The following SPATA22 variants were observed in gnomAD, a reference collection of about 807,000 sequenced individuals.
The protein encoded by SPATA22 is spermatogenesis associated 22.
In SPATA22, 29 loss-of-function variants were observed where a neutral mutation model predicts 47.8. That is an observed-to-expected ratio of 0.61 (90% CI 0.45 to 0.83). The LOEUF (loss-of-function observed/expected upper bound fraction) is 0.83, where lower values mean the gene tolerates loss of function less well. Ranked by LOEUF, SPATA22 falls within the 40% of genes least tolerant of loss-of-function variation. The probability of loss-of-function intolerance (pLI) is 0.00; values close to 1 mark genes in which losing one functional copy is unlikely to be tolerated. For missense variants in SPATA22, 410 were observed against 421.7 expected (o/e 0.97, Z 0.24); for synonymous variants, 133 against 140.9 (o/e 0.94, Z 0.40).
In SPATA22 at chr17:3,465,338, C is replaced by G. The variant is rs550922744; in HGVS notation, c.172+2088G>C. 3.2e-4 allele frequency among the ~76,000 whole-genome samples: 48 copies of G among 151,120 alleles called. No homozygotes were observed. In the South Asian group the frequency reaches 3.4e-3, roughly 11 times the overall value. On this transcript the variant is annotated intron_variant, in intron 3 of 8. Transcript: ENST00000572969. ...AATGGCGGTTTTGTGGAATAGAAAG[C>G]GGGGAAAGGTGGGGAAAAGATTGAG...
intron 1 of SPATA22, among the ~76,000 whole-genome samples, chr17:3,471,088 G>A (rs1006527149): frequency 1.3e-4 from 20 of 151,982 alleles, no homozygotes; most frequent in Admixed American, 3.3e-4. Context: ...CCGGGAGGCG[G>A]AGGTTGCAGT....
intron 1 of SPATA22, among the ~76,000 whole-genome samples, chr17:3,506,988 A>AAGGG (rs1555542245): frequency 1.4e-5 from 2 of 138,148 alleles, no homozygotes; most frequent in Non-Finnish European, 3.1e-5. Flanking sequence ...AGGAAAAGAG[A>AAGGG]AGGAAGGGAG....
At chr17:3,445,351 A>T (rs1333685110) in intron 7 of SPATA22, among the ~76,000 whole-genome samples, 1 of 152,168 alleles carries the variant, frequency 6.6e-6, no homozygotes, top group Non-Finnish European at 1.5e-5. Context: ...ACCAGCTAAG[A>T]GATATGCTTC....
intron 3 of SPATA22, among the ~76,000 whole-genome samples, chr17:3,467,152 CAAAG>C (rs2073333034): frequency 1.3e-5 from 2 of 151,920 alleles, no homozygotes; most frequent in South Asian, 4.2e-4. Context: ...TGAATTTTGA[CAAAG>C]AAAAAATATT....
At chr17:3,454,716 T>C (rs1201295306) in intron 5 of SPATA22, among the ~76,000 whole-genome samples, 1 of 151,980 alleles carries the variant, frequency 6.6e-6, no homozygotes, top group African/African-American at 2.4e-5. Context: ...ACATTTGGGT[T>C]GGTTCCAAGT....
chr17:3,463,148 G>A (rs1335436587), intron 3 of SPATA22, among the ~76,000 whole-genome samples: 1 of 152,204 alleles, frequency 6.6e-6, no homozygotes, highest in African/African-American at 2.4e-5. Context: ...GTGTGAGACA[G>A]AGATAGAGAG....
rs374552841 is a variant in SPATA22 at position 3,505,703 on chromosome 17, G to C, written c.-74+7709C>G. On this transcript the variant is annotated intron_variant, in intron 1 of 8. Transcript: ENST00000541913. Reference sequence around the variant, plus strand: ...CATATTTGCATATCCGACAAAAACAGAGTCTGGAGGGAAATAGCTGCTTAG... The same window carrying C: ...CATATTTGCATATCCGACAAAAACACAGTCTGGAGGGAAATAGCTGCTTAG... Among the ~76,000 whole-genome samples the C allele has an allele frequency of 2.0e-5, 3 of 152,106 alleles. No homozygotes were observed. In the East Asian group the frequency reaches 5.8e-4, roughly 29 times the overall value.
chr17:3,495,282 C>G (rs1290536075), intron 1 of SPATA22, among the ~76,000 whole-genome samples: 3 of 152,154 alleles, frequency 2.0e-5, no homozygotes, highest in African/African-American at 7.2e-5. Context: ...CCCCGACTAA[C>G]CTTTACCTAG....
chr17:3,496,048 G>A (rs191460533), intron 1 of SPATA22, among the ~76,000 whole-genome samples: 25 of 152,308 alleles, frequency 1.6e-4, no homozygotes, highest in Admixed American at 1.3e-3. Flanking sequence ...CCAGGCAGAC[G>A]GAGAAGTGAG....
chr17:3,464,891 G>C (rs1281750073), intron 3 of SPATA22, among the ~76,000 whole-genome samples: 1 of 92,192 alleles, frequency 1.1e-5, no homozygotes, highest in Non-Finnish European at 3.2e-5. Flanking sequence ...AGGGGGGTGG[G>C]GGGGGGTCAG....
chr17:3,471,431 C>G (rs968799103), intron 1 of SPATA22: 1 of 985,288 alleles, frequency 1.0e-6, no homozygotes, highest in Admixed American at 6.1e-5. Context: ...CCTCATTTAC[C>G]CCCAATCCCA....
In SPATA22 at chr17:3,481,642, G is replaced by C. The variant is rs776297759; in HGVS notation, c.-73-12244C>G. On this transcript the variant is annotated intron_variant, in intron 1 of 8. Coordinates refer to the SPATA22 transcript ENST00000541913. ...AAGATTTGCCATATGAAGTGAGAAG[G>C]GCTCAAGAAATAAATCATTTATTTG... 25 of 1,613,584 alleles carry C rather than the reference G, an allele frequency of 1.5e-5. 1 individual carries two copies. Among genetic ancestry groups the C allele is most frequent in the Non-Finnish European group, 2.1e-5 (25 of 1,179,904 alleles).
chr17:3,448,704 C>T (rs2072784238), intron 6 of SPATA22, 103 bp downstream of exon 6: 1 of 802,336 alleles, frequency 1.2e-6, no homozygotes, highest in South Asian at 2.0e-5. Flanking sequence ...TAATGTATGT[C>T]ATGGAATTTA....
rs1237477660 is a variant in SPATA22, at chr17:3,498,921, G to T, written c.-74+14491C>A. 3.1e-6 allele frequency: 5 copies of T among 1,607,368 alleles called. No homozygotes were observed. In the African/African-American group the frequency reaches 4.0e-5, roughly 13 times the overall value. On this transcript the variant is annotated intron_variant, in intron 1 of 8. Coordinates refer to the SPATA22 transcript ENST00000541913. ...AGACTGGAAACCACTGCATCCTGGG[G>T]ATCCCATGTTTTTAACTCTTGATGG...
chr17:3,481,942 G>T, intron 1 of SPATA22: 1 of 743,896 alleles, frequency 1.3e-6, no homozygotes. Flanking sequence ...GGTGGTTGGG[G>T]GGAAAGGGTG....
chr17:3,483,198 C>A (rs560656043), intron 1 of SPATA22, among the ~76,000 whole-genome samples: 1 of 152,072 alleles, frequency 6.6e-6, no homozygotes, highest in Non-Finnish European at 1.5e-5. Flanking sequence ...AAAATCACCA[C>A]ATCCATTAAG....
chr17:3,464,013 G>A (rs112770375), intron 3 of SPATA22, among the ~76,000 whole-genome samples: 16,486 of 128,794 alleles, frequency 0.13, 1,180 homozygotes, highest in Middle Eastern at 0.21. Flanking sequence ...TGTTTCCACG[G>A]TCTCCCTCTC....
At chr17:3,462,981 G>A (rs2073163666) in intron 3 of SPATA22, among the ~76,000 whole-genome samples, 1 of 152,184 alleles carries the variant, frequency 6.6e-6, no homozygotes, top group South Asian at 2.1e-4. Flanking sequence ...TTTAAGCAAA[G>A]ATAATTTAAT....
At chr17:3,465,054 CCGGG>C (rs1213523958) in intron 3 of SPATA22, among the ~76,000 whole-genome samples, 81 of 128,374 alleles carry the variant, frequency 6.3e-4, no homozygotes, top group African/African-American at 8.2e-4. Flanking sequence ...GCCGCCCCGT[CCGGG>C]AGGGAGGTGG....
Sources: gnomAD v4.1 joint callset for allele counts (sites outside exome capture counted in the v4.1 genomes callset) on GRCh38, gnomAD v4.1.1 for gene constraint, MANE v1.5 for transcripts, NCBI Gene and HGNC (gene_info 2026-07-23, HGNC 2026-07-21) for gene names.